The following PLEKHS1 variants were observed in gnomAD, a reference collection of about 807,000 sequenced individuals.
PLEKHS1 encodes the protein pleckstrin homology domain-containing family S member 1.
In PLEKHS1, 55 loss-of-function variants were observed where a neutral mutation model predicts 51.0. The ratio of observed to expected loss-of-function variants is 1.08; its 90% confidence interval spans 0.87 to 1.35. The LOEUF (loss-of-function observed/expected upper bound fraction) is 1.35, where lower values mean the gene tolerates loss of function less well. Among genes scored for constraint, PLEKHS1 ranks in the 40% most tolerant of loss-of-function variants. The pLI, the probability that PLEKHS1 is intolerant of heterozygous loss-of-function variation, is 0.00. For synonymous variants in PLEKHS1, 153 were observed against 144.8 expected (o/e 1.06, Z -0.41); for missense variants, 398 against 423.0 (o/e 0.94, Z 0.52).
intron 11 of PLEKHS1, chr10:113,778,105 C>T (rs1844752444): frequency 6.1e-6 from 1 of 163,982 alleles, no homozygotes; most frequent in South Asian, 1.7e-4. Context: ...TGTGTTAATT[C>T]CTTCCCTGGT....
chr10:113,770,257 G>T lies in PLEKHS1; in HGVS notation c.552+357G>T, dbSNP rs185399399. ...ATTTCCCAGACACTACCTGATTTCT[G>T]CCCATTCTGTCTGTACTCCTCAGGC... On this transcript the variant is annotated intron_variant, in intron 7 of 11. Coordinates refer to ENST00000361048, the Ensembl canonical transcript of PLEKHS1. 9.9e-5 allele frequency among the ~76,000 whole-genome samples: 15 copies of T among 152,262 alleles called. No homozygotes were observed. In the East Asian group the frequency reaches 2.7e-3, roughly 27 times the overall value.
intron 6 of PLEKHS1, among the ~76,000 whole-genome samples, chr10:113,769,474 C>T (rs918642880): frequency 6.6e-6 from 1 of 152,068 alleles, no homozygotes; most frequent in Non-Finnish European, 1.5e-5. Flanking sequence ...GGCATGTCTT[C>T]AAGTAGACTG....
At chr10:113,780,742 G>A (rs764781444) in exon 12 of PLEKHS1, 27 of 1,588,630 alleles carry the variant, frequency 1.7e-5, no homozygotes, top group Middle Eastern at 1.7e-4. Context: ...AGAGGAGTCC[G>A]GCCATTAAAA....
chr10:113,778,606 T>C (rs1844768002), intron 11 of PLEKHS1, among the ~76,000 whole-genome samples: 1 of 151,998 alleles, frequency 6.6e-6, no homozygotes, highest in African/African-American at 2.4e-5. Context: ...GATATATAAC[T>C]AGTTAGTGGC....
intron 5 of PLEKHS1, among the ~76,000 whole-genome samples, chr10:113,768,179 A>T (rs1349894623): frequency 6.6e-6 from 1 of 152,194 alleles, no homozygotes; most frequent in Non-Finnish European, 1.5e-5. Flanking sequence ...GGGAGGAACT[A>T]GGCTTGCCCC....
At chr10:113,779,051 T>C (rs1050516576) in intron 11 of PLEKHS1, among the ~76,000 whole-genome samples, 1 of 152,230 alleles carries the variant, frequency 6.6e-6, no homozygotes, top group Non-Finnish European at 1.5e-5. Context: ...GCATGTTATG[T>C]GCTACTTGCT....
intron 9 of PLEKHS1, 145 bp downstream of exon 9, chr10:113,774,478 C>T (rs762351672): frequency 8.2e-6 from 5 of 610,484 alleles, no homozygotes; most frequent in Non-Finnish European, 1.1e-5. Flanking sequence ...CGTCTCAACA[C>T]ACAAAAAATG....
intron 5 of PLEKHS1, 110 bp from the exon 6 acceptor site, chr10:113,768,705 C>T (rs1031453275): frequency 3.4e-5 from 27 of 787,508 alleles, no homozygotes; most frequent in African/African-American, 5.4e-5. Flanking sequence ...ATTCTTATTT[C>T]GCTGGTACCT....
At chr10:113,757,373 C>A (rs906204114) in intron 2 of PLEKHS1, among the ~76,000 whole-genome samples, 12 of 152,158 alleles carry the variant, frequency 7.9e-5, no homozygotes, top group Admixed American at 2.6e-4. Context: ...CCAATACAAC[C>A]AAGCAAATAT....
Position 113,758,504 on chromosome 10 carries a change from A to G in PLEKHS1, c.28+3199A>G, listed in dbSNP as rs1199070633. 2.0e-5 allele frequency among the ~76,000 whole-genome samples: 3 copies of G among 152,268 alleles called. No homozygotes were observed. The East Asian group carries it at 5.8e-4, about 29-fold the overall frequency. ...TCATTAAACCATGTTATAAACAGAT[A>G]TGCTGTCACCCAGGCTTTGTTGTTG... On this transcript the variant is annotated intron_variant, in intron 2 of 11. Transcript: ENST00000361048.
chr10:113,777,975 G>C (rs1412324361), intron 11 of PLEKHS1: 1 of 340,490 alleles, frequency 2.9e-6, no homozygotes, highest in Non-Finnish European at 5.5e-6. Flanking sequence ...GGAAGACAGA[G>C]CGAGACCCTG....
chr10:113,770,236 C>T (rs1018920125), intron 7 of PLEKHS1, among the ~76,000 whole-genome samples: 1 of 152,196 alleles, frequency 6.6e-6, no homozygotes, highest in Non-Finnish European at 1.5e-5. Flanking sequence ...CAAAAGATTT[C>T]CCAGACACTA....
chr10:113,780,854 T>C, exon 12 of PLEKHS1: 1 of 1,390,534 alleles, frequency 7.2e-7, no homozygotes, highest in Non-Finnish European at 9.6e-7. Flanking sequence ...GCTGCTGCCA[T>C]GTGATAGGAG....
chr10:113,756,009 G>A (rs1449640374), intron 2 of PLEKHS1, among the ~76,000 whole-genome samples: 3 of 152,178 alleles, frequency 2.0e-5, no homozygotes, highest in Non-Finnish European at 4.4e-5. Context: ...ATGGTATCAA[G>A]TATCCTTGCT....
chr10:113,753,389 G>A (rs781201365), intron 1 of PLEKHS1, among the ~76,000 whole-genome samples: 1 of 152,156 alleles, frequency 6.6e-6, no homozygotes, highest in Admixed American at 6.5e-5. Context: ...TTTGGGGAGT[G>A]GGCAAGGTTT....
At chr10:113,753,505 C>T (rs903961251) in intron 1 of PLEKHS1, among the ~76,000 whole-genome samples, 22 of 152,186 alleles carry the variant, frequency 1.4e-4, no homozygotes, top group African/African-American at 5.3e-4. Context: ...GCTCATTGCA[C>T]AGAGCTGAGT....
At chr10:113,763,178 T>C (rs1844019939) in intron 2 of PLEKHS1, among the ~76,000 whole-genome samples, 1 of 152,134 alleles carries the variant, frequency 6.6e-6, no homozygotes, top group African/African-American at 2.4e-5. Flanking sequence ...AATTCATCCC[T>C]TTATTATGAA....
intron 2 of PLEKHS1, among the ~76,000 whole-genome samples, chr10:113,762,068 G>A (rs1276154564): frequency 3.3e-5 from 5 of 151,910 alleles, no homozygotes; most frequent in African/African-American, 1.2e-4. Flanking sequence ...GAATTTTTCA[G>A]TTTACCTAAG....
intron 9 of PLEKHS1, 103 bp from the exon 10 acceptor site, chr10:113,774,723 C>T (rs1374005169): frequency 3.0e-6 from 3 of 985,164 alleles, no homozygotes; most frequent in South Asian, 1.5e-5. Context: ...CAAGACCTTG[C>T]TAGTCTTCAC....
Sources: allele counts gnomAD v4.1 joint callset (sites outside exome capture counted in the v4.1 genomes callset), GRCh38; gene constraint gnomAD v4.1.1; transcripts MANE v1.5; gene names NCBI Gene and HGNC (gene_info 2026-07-23, HGNC 2026-07-21).